IMMP2L: variants seen among roughly 807,000 people sequenced by gnomAD.
IMMP2L encodes the protein inner mitochondrial membrane peptidase subunit 2, also known as mitochondrial inner membrane protease subunit 2.
In IMMP2L, 18 loss-of-function variants were observed where a neutral mutation model predicts 19.3. That is an observed-to-expected ratio of 0.93 (90% CI 0.64 to 1.38). IMMP2L has a LOEUF of 1.38. Among genes scored for constraint, IMMP2L ranks in the 40% most tolerant of loss-of-function variants. The pLI is 0.00. For missense variants in IMMP2L, 233 were observed against 218.2 expected, an observed-to-expected ratio of 1.07 and a Z score of -0.43; for synonymous variants, 76 against 73.0, an observed-to-expected ratio of 1.04 and a Z score of -0.21.
At chr7:111,081,879 A>G (rs1184015874) in intron 3 of IMMP2L, among the ~76,000 whole-genome samples, 1 of 152,204 alleles carries the variant, frequency 6.6e-6, no homozygotes, top group Non-Finnish European at 1.5e-5. Context: ...CTGTAATGAA[A>G]GTCCCGCAAA....
rs1832413778 is a variant in IMMP2L, at chr7:111,392,090, A to G, written c.239+95148T>C. 7 of 659,344 alleles carry G rather than the reference A, an allele frequency of 1.1e-5. No individual in the cohort carries two copies. The Admixed American group carries it at 1.4e-4, about 13-fold the overall frequency. The allele number at this position is 659,344 out of a possible 1,614,324, so 40.8% of individuals were successfully genotyped here. ...TCCAGCATACAGCAATGTGCAAACT[A>G]TATTTTCTCTTTGGCTATTAGCGAC... On this transcript the variant is annotated intron_variant, in intron 3 of 5. Coordinates refer to ENST00000405709, the MANE Select transcript of IMMP2L (RefSeq NM_032549.4).
intron 3 of IMMP2L, among the ~76,000 whole-genome samples, chr7:111,200,872 G>C (rs1017588667): frequency 6.6e-6 from 1 of 152,100 alleles, no homozygotes; most frequent in Admixed American, 6.5e-5. Flanking sequence ...ACTGCCAATA[G>C]TATTTAGTAC....
At chr7:111,305,251 C>T (rs960069767) in intron 3 of IMMP2L, among the ~76,000 whole-genome samples, 5 of 152,102 alleles carry the variant, frequency 3.3e-5, no homozygotes, top group Non-Finnish European at 5.9e-5. Flanking sequence ...CTTTGTTTAG[C>T]AACCCAGAAT....
intron 2 of IMMP2L, among the ~76,000 whole-genome samples, chr7:111,503,319 C>G: frequency 6.6e-6 from 1 of 152,052 alleles, no homozygotes; most frequent in Non-Finnish European, 1.5e-5. Flanking sequence ...GAAATTGTGG[C>G]AATAATCAAT....
At chr7:111,438,729 C>A (rs1375769972) in intron 3 of IMMP2L, among the ~76,000 whole-genome samples, 1 of 151,840 alleles carries the variant, frequency 6.6e-6, no homozygotes, top group Non-Finnish European at 1.5e-5. Flanking sequence ...GGATTAGTCA[C>A]GCTTCTTCCC....
chr7:111,092,401 T>C (rs1796967025), intron 3 of IMMP2L, among the ~76,000 whole-genome samples: 1 of 152,236 alleles, frequency 6.6e-6, no homozygotes, highest in Non-Finnish European at 1.5e-5. Context: ...AATTCGGCTC[T>C]AATTTATTCA....
intron 3 of IMMP2L, among the ~76,000 whole-genome samples, chr7:111,310,437 T>C (rs1182144497): frequency 2.0e-5 from 3 of 152,096 alleles, no homozygotes; most frequent in African/African-American, 4.8e-5. Flanking sequence ...TTAACTTTTA[T>C]GTTAAAGTTT....
In IMMP2L at chr7:110,669,603, A is replaced by C. The variant is rs558526937; in HGVS notation, c.409-5882T>G. Among the ~76,000 whole-genome samples, 15 of 152,260 alleles carry C rather than the reference A, an allele frequency of 9.9e-5. No individual in the cohort carries two copies. The South Asian group carries it at 3.1e-3, about 32-fold the overall frequency. Reference sequence around the variant, plus strand: ...TTACTCAGTGTTACACTCAGTGCTTACTCTATGGAGGGCAGTGTTCTGAAT... The same window carrying C: ...TTACTCAGTGTTACACTCAGTGCTTCCTCTATGGAGGGCAGTGTTCTGAAT... On this transcript the variant is annotated intron_variant, in intron 5 of 5. Coordinates refer to ENST00000405709, the MANE Select transcript of IMMP2L (RefSeq NM_032549.4).
chr7:111,012,221 G>A (rs1825042809), intron 3 of IMMP2L, among the ~76,000 whole-genome samples: 1 of 152,092 alleles, frequency 6.6e-6, no homozygotes, highest in Admixed American at 6.6e-5. Context: ...CATTTCTGAT[G>A]AGATGTCCAA....
chr7:110,863,606 T>C (rs1006291247), intron 5 of IMMP2L, among the ~76,000 whole-genome samples: 1 of 152,204 alleles, frequency 6.6e-6, no homozygotes, highest in East Asian at 1.9e-4. Flanking sequence ...TCTCTCTCAA[T>C]AGTGGCAATG....
chr7:110,726,206 G>T (rs1358814885), intron 5 of IMMP2L, among the ~76,000 whole-genome samples: 9 of 152,180 alleles, frequency 5.9e-5, no homozygotes, highest in Non-Finnish European at 7.4e-5. Flanking sequence ...CAAGAGTTAT[G>T]AGATAAATGA....
At chr7:110,689,347 C>T (rs1375430478) in intron 5 of IMMP2L, among the ~76,000 whole-genome samples, 1 of 151,030 alleles carries the variant, frequency 6.6e-6, no homozygotes, top group African/African-American at 2.5e-5. Flanking sequence ...TTATTTTTTC[C>T]ATCTATTTTC....
chr7:111,499,110 C>T (rs1489551560), intron 2 of IMMP2L, among the ~76,000 whole-genome samples: 1 of 152,176 alleles, frequency 6.6e-6, no homozygotes, highest in Non-Finnish European at 1.5e-5. Context: ...TGTGATCACT[C>T]AGGCAGCTGC....
intron 5 of IMMP2L, among the ~76,000 whole-genome samples, chr7:110,777,010 G>T (rs1466016061): frequency 6.6e-6 from 1 of 151,898 alleles, no homozygotes; most frequent in African/African-American, 2.4e-5. Context: ...TCTAAGACAG[G>T]GTTTGTTAAT....
rs911299751 is a variant in IMMP2L at position 110,870,662 on chromosome 7, A to C, written c.408+15931T>G. On this transcript the variant is annotated intron_variant, in intron 5 of 5. Transcript: ENST00000405709. The surrounding 1 kb of genome is among the most constrained non-coding windows in gnomAD (Gnocchi z 4.2). ...AAGAGCCAACCACACAAAGACCTAA[A>C]GGAAGAGAATTCAAGGAAGAGGATC... is the stretch of plus-strand genomic sequence containing the variant. 1.3e-5 allele frequency among the ~76,000 whole-genome samples: 2 copies of C among 152,146 alleles called. No homozygotes were observed. Among genetic ancestry groups the C allele is most frequent in the African/African-American group, 4.8e-5 (2 of 41,450 alleles).
At chr7:110,899,743 T>C (rs1811673474) in intron 4 of IMMP2L, among the ~76,000 whole-genome samples, 1 of 152,152 alleles carries the variant, frequency 6.6e-6, no homozygotes, top group Non-Finnish European at 1.5e-5. Context: ...ACCTATGAAT[T>C]CTCTGGGCTA....
intron 5 of IMMP2L, among the ~76,000 whole-genome samples, chr7:110,692,318 T>C (rs1338316154): frequency 6.6e-6 from 1 of 152,094 alleles, no homozygotes; most frequent in Non-Finnish European, 1.5e-5. Flanking sequence ...TATAGAGTGG[T>C]ATAATGGATG....
At chr7:111,145,267 A>G (rs889022031) in intron 3 of IMMP2L, among the ~76,000 whole-genome samples, 6 of 152,096 alleles carry the variant, frequency 3.9e-5, no homozygotes, top group Non-Finnish European at 7.4e-5. Context: ...TCAAAAGGGA[A>G]TATGTGTAGT....
chr7:111,068,431 T>C (rs1287718563), intron 3 of IMMP2L, among the ~76,000 whole-genome samples: 1 of 152,184 alleles, frequency 6.6e-6, no homozygotes, highest in East Asian at 1.9e-4. Flanking sequence ...GGTCTTCATA[T>C]TTTCATGAAA....
Sources: allele counts gnomAD v4.1 joint callset (sites outside exome capture counted in the v4.1 genomes callset), GRCh38; gene constraint gnomAD v4.1.1; non-coding constraint Gnocchi (gnomAD v3.1); transcripts MANE v1.5; gene names NCBI Gene and HGNC (gene_info 2026-07-23, HGNC 2026-07-21).